CCNT2: variants seen among roughly 807,000 people sequenced by gnomAD.
CCNT2 encodes cyclin T2.
In CCNT2, 18 loss-of-function variants were observed where a neutral mutation model predicts 70.0. That is an observed-to-expected ratio of 0.26 (90% CI 0.18 to 0.38). The LOEUF is 0.38. Among genes scored for constraint, CCNT2 ranks in the 10% least tolerant of loss-of-function variants. The pLI is 1.00. For missense variants in CCNT2, 734 were observed against 890.2 expected (o/e 0.82, Z 2.23); for synonymous variants, 334 against 313.3 (o/e 1.07, Z -0.70).
chr2:134,946,599 T>G (rs1289339726), intron 6 of CCNT2: 1 of 180,464 alleles, frequency 5.5e-6, no homozygotes, highest in African/African-American at 2.4e-5. Context: ...ATTTGAAATT[T>G]TTTTTCAGAT....
At chr2:134,945,766 T>G in intron 5 of CCNT2, 1 of 1,295,014 alleles carries the variant, frequency 7.7e-7, no homozygotes, top group Non-Finnish European at 1.0e-6. Flanking sequence ...CTTCTTCTTC[T>G]TCTTTTTTTT....
At chr2:134,928,789 C>A (rs1307437535) in intron 2 of CCNT2, among the ~76,000 whole-genome samples, 1 of 151,046 alleles carries the variant, frequency 6.6e-6, no homozygotes, top group Non-Finnish European at 1.5e-5. Flanking sequence ...GATAATGAAA[C>A]TTTATATAGT....
intron 2 of CCNT2, among the ~76,000 whole-genome samples, chr2:134,931,260 A>ATTTTTTTTTTT (rs1351628226): frequency 1.2e-4 from 5 of 42,960 alleles, no homozygotes; most frequent in East Asian, 2.0e-3. Context: ...CCATGCCCGG[A>ATTTTTTTTTTT]TCTTTTTTTT....
chr2:134,936,754 C>G (rs78417359), intron 2 of CCNT2, 87 bp from the exon 3 acceptor site: 9 of 1,082,034 alleles, frequency 8.3e-6, no homozygotes, highest in Admixed American at 5.4e-5. Context: ...AACTCCACCT[C>G]AAAAAAAAAA....
intron 2 of CCNT2, among the ~76,000 whole-genome samples, chr2:134,931,674 C>T (rs528419967): frequency 6.6e-6 from 1 of 152,084 alleles, no homozygotes; most frequent in African/African-American, 2.4e-5. Flanking sequence ...ATAATCTGTT[C>T]GAAGGAAAGT....
intron 7 of CCNT2, among the ~76,000 whole-genome samples, chr2:134,952,041 A>T (rs1682544887): frequency 6.6e-6 from 1 of 152,150 alleles, no homozygotes. Context: ...TGTCGAAGTT[A>T]TCCATTTTGA....
intron 2 of CCNT2, among the ~76,000 whole-genome samples, chr2:134,928,608 C>T (rs544241168): frequency 6.6e-6 from 1 of 152,090 alleles, no homozygotes; most frequent in African/African-American, 2.4e-5. Context: ...ACGGTGTGGG[C>T]TATAGTCATT....
At chr2:134,947,447 C>T (rs916581815) in intron 6 of CCNT2, among the ~76,000 whole-genome samples, 2 of 151,986 alleles carry the variant, frequency 1.3e-5, no homozygotes, top group Admixed American at 6.6e-5. Flanking sequence ...AATATACTAT[C>T]CTCCTCTCCT....
Position 134,958,385 on chromosome 2 carries a change from A to C in CCNT2, c.*3737A>C, listed in dbSNP as rs1384216314. The C allele has an allele frequency of 6.6e-6, 1 of 152,204 alleles. No individual in the cohort carries two copies. The highest frequency in any genetic ancestry group is 2.4e-5 in the African/African-American group (1 of 41,462). The allele number at this position is 152,204 out of a possible 1,614,324, so 9.4% of individuals were successfully genotyped here. ...CTGCCTCAGAGGCTGTCTTGAAGGG[A>C]GACAGTAGGATTCACTGACTACCTT... On this transcript the variant is annotated 3_prime_UTR_variant, in exon 9 of 9. Transcript: ENST00000264157.
At chr2:134,938,596 T>C (rs1458904979) in intron 3 of CCNT2, among the ~76,000 whole-genome samples, 1 of 152,208 alleles carries the variant, frequency 6.6e-6, no homozygotes, top group Non-Finnish European at 1.5e-5. Flanking sequence ...CCACATGAAA[T>C]GTCCTAGAGT....
At position 134,953,697 on chromosome 2, in the gene CCNT2, A is replaced by C; in HGVS notation, c.1242A>C (p.Ala414=). 6.2e-7 allele frequency: 1 copy of C among 1,613,858 alleles called. No homozygotes were observed. Among genetic ancestry groups the C allele is most frequent in the Non-Finnish European group, 8.5e-7 (1 of 1,179,710 alleles). Residue 414 remains alanine, a synonymous_variant, in exon 9 of 9, where the codon GCA becomes GCC. Coordinates refer to ENST00000264157, the MANE Select transcript of CCNT2 (RefSeq NM_058241.3). ...TTAAGCAAGAATATACTCATAAAGC[A>C]GGGAGCAGTAAACACCATGGGCCAA... is the stretch of plus-strand genomic sequence containing the variant. The part of the protein sequence containing the change: ...SSVKQEYTHK[A]GSSKHHGPIS...
rs78705794 is a variant in CCNT2, at chr2:134,950,411, C to T, written c.704-2230C>T. On this transcript the variant is annotated intron_variant, in intron 7 of 8. Coordinates refer to ENST00000264157, the MANE Select transcript of CCNT2 (RefSeq NM_058241.3). ...ATGAAGGTGTGGCCGGGTGCAGTCA[C>T]TCACATATCTTGAGCACAGGAGTTT... is the stretch of plus-strand genomic sequence containing the variant. Among the ~76,000 whole-genome samples, 367 of 152,254 alleles carry T rather than the reference C, an allele frequency of 2.4e-3. 1 individual carries two copies. Among genetic ancestry groups the T allele is most frequent in the African/African-American group, 8.3e-3 (346 of 41,546 alleles).
intron 4 of CCNT2, among the ~76,000 whole-genome samples, chr2:134,939,877 A>G (rs1486028081): frequency 4.6e-5 from 7 of 152,158 alleles, no homozygotes; most frequent in Non-Finnish European, 1.0e-4. Context: ...ACCTTACTCA[A>G]TTTACTGAAA....
chr2:134,942,210 C>G (rs1356791328), intron 4 of CCNT2, among the ~76,000 whole-genome samples: 1 of 151,254 alleles, frequency 6.6e-6, no homozygotes, highest in Non-Finnish European at 1.5e-5. Context: ...TGTGGCCCAA[C>G]AGTTATGTTT....
chr2:134,944,420 T>C, intron 5 of CCNT2: 4 of 966,998 alleles, frequency 4.1e-6, no homozygotes, highest in Non-Finnish European at 4.9e-6. Flanking sequence ...TTCAGGTTAC[T>C]GTTGTGAAAT....
At chr2:134,945,378 G>A (rs1252565950) in intron 5 of CCNT2, 9 of 985,282 alleles carry the variant, frequency 9.1e-6, no homozygotes, top group Non-Finnish European at 2.4e-6. Flanking sequence ...CTAAGAGGCA[G>A]AATAAGGGGA....
Position 134,940,784 on chromosome 2 carries a change from T to C in CCNT2, c.430+1722T>C, listed in dbSNP as rs73959217. ...ACTTGGATTAATACCATGGGACCCA[T>C]ACAAAGTGCCTCTAGTGATGCCAGA... On this transcript the variant is annotated intron_variant, in intron 4 of 8. Transcript: ENST00000264157. Among the ~76,000 whole-genome samples the C allele has an allele frequency of 7.1e-3, 1,077 of 152,310 alleles. 13 individuals carry two copies. Among genetic ancestry groups the C allele is most frequent in the African/African-American group, 0.025 (1,030 of 41,568 alleles).
chr2:134,943,537 A>T (rs1681723938), intron 5 of CCNT2: 1 of 985,134 alleles, frequency 1.0e-6, no homozygotes, highest in Non-Finnish European at 1.2e-6. Flanking sequence ...AGAAATAATT[A>T]TAGAGCATAA....
intron 5 of CCNT2, chr2:134,944,507 C>T: frequency 1.0e-6 from 1 of 963,632 alleles, no homozygotes; most frequent in Non-Finnish European, 1.2e-6. Flanking sequence ...ATTCTAGAGA[C>T]ATGAAGTCAG....
Sources: allele counts gnomAD v4.1 joint callset (sites outside exome capture counted in the v4.1 genomes callset), GRCh38; gene constraint gnomAD v4.1.1; transcripts MANE v1.5; gene names NCBI Gene and HGNC (gene_info 2026-07-23, HGNC 2026-07-21).